TTC28: variants seen among roughly 807,000 people sequenced by gnomAD.
TTC28 encodes the protein tetratricopeptide repeat domain 28, also known as tetratricopeptide repeat protein 28.
TTC28 carries 61 observed loss-of-function variants against 198.0 expected under a neutral mutation model. The ratio of observed to expected loss-of-function variants is 0.31; its 90% CI spans 0.25 to 0.38. The LOEUF (loss-of-function observed/expected upper bound fraction) is 0.38, where lower values mean the gene tolerates loss of function less well. TTC28 is among the 10% of genes least tolerant of loss of function. The pLI is 1.00. For missense variants in TTC28, 2,678 were observed against 3,164.0 expected, an observed-to-expected ratio of 0.85 and a Z score of 3.69; for synonymous variants, 1,171 against 1,297.8, an observed-to-expected ratio of 0.90 and a Z score of 2.10.
intron 5 of TTC28, among the ~76,000 whole-genome samples, chr22:28,177,266 T>C (rs1202151774): frequency 6.6e-6 from 1 of 152,186 alleles, no homozygotes; most frequent in Non-Finnish European, 1.5e-5. Context: ...TTCAACATCA[T>C]ATGTCATTAG....
chr22:28,011,768 G>T (rs1938175470), intron 14 of TTC28, among the ~76,000 whole-genome samples: 1 of 152,060 alleles, frequency 6.6e-6, no homozygotes, highest in Admixed American at 6.6e-5. Context: ...GGCAAGGAAG[G>T]TTTCAAAGAG....
At chr22:28,315,842 A>C (rs78847835) in intron 2 of TTC28, among the ~76,000 whole-genome samples, 2,407 of 152,284 alleles carry the variant, frequency 0.016, 84 homozygotes, top group African/African-American at 0.056. Context: ...GTCTCATGAC[A>C]AAGAGAATGA....
chr22:28,669,906 G>A (rs1466776831), intron 1 of TTC28, among the ~76,000 whole-genome samples: 1 of 151,912 alleles, frequency 6.6e-6, no homozygotes, highest in African/African-American at 2.4e-5. Context: ...AAAATATAAA[G>A]GTTTATTACT....
At position 28,679,829 on chromosome 22, in the gene TTC28, G is replaced by A; in HGVS notation, c.-106C>T. 6.9e-6 allele frequency: 3 copies of A among 433,708 alleles called. No individual in the cohort carries two copies. The highest frequency in any genetic ancestry group is 9.6e-6 in the Non-Finnish European group (3 of 311,374). 26.9% of individuals were successfully genotyped at this position (433,708 alleles called of 1,614,324 possible). On this transcript the variant is annotated 5_prime_UTR_variant, in exon 1 of 23. Coordinates refer to ENST00000397906, the MANE Select transcript of TTC28 (RefSeq NM_001145418.2). ...TCCCGCCGTGCTGCGCGCCGCCGCG[G>A]CGCCCCTCACTGCCCCCAAACCGCG...
At chr22:28,147,954 A>G (rs1056959577) in intron 6 of TTC28, among the ~76,000 whole-genome samples, 1 of 152,236 alleles carries the variant, frequency 6.6e-6, no homozygotes, top group African/African-American at 2.4e-5. Flanking sequence ...CAGAGAATAG[A>G]CTATTAAGTT....
chr22:28,018,301 G>A (rs866615080), intron 13 of TTC28, among the ~76,000 whole-genome samples: 9 of 101,040 alleles, frequency 8.9e-5, no homozygotes, highest in South Asian at 1.0e-3. Context: ...GCGTGTGTGC[G>A]CGCGCGGGGG....
At chr22:28,477,297 T>C (rs1472268797) in intron 2 of TTC28, among the ~76,000 whole-genome samples, 1 of 152,184 alleles carries the variant, frequency 6.6e-6, no homozygotes, top group Non-Finnish European at 1.5e-5. Context: ...TCAGACCATG[T>C]CATTCCTGAG....
At chr22:28,303,300 T>C (rs919436347) in intron 3 of TTC28, among the ~76,000 whole-genome samples, 1 of 152,140 alleles carries the variant, frequency 6.6e-6, no homozygotes, top group Non-Finnish European at 1.5e-5. Context: ...TGAAAGATTA[T>C]CTTAAAAAAG....
At chr22:28,154,321 A>ATT (rs10537660) in intron 6 of TTC28, among the ~76,000 whole-genome samples, 70 of 137,392 alleles carry the variant, frequency 5.1e-4, no homozygotes, top group African/African-American at 1.8e-3. Flanking sequence ...AAAGATGGCC[A>ATT]TTTTTTTTTT....
At chr22:28,026,238 C>T (rs572493866) in intron 13 of TTC28, among the ~76,000 whole-genome samples, 23 of 152,320 alleles carry the variant, frequency 1.5e-4, no homozygotes, top group Non-Finnish European at 2.9e-4. Context: ...CACCCCTCAA[C>T]GTGGCAGCAG....
intron 2 of TTC28, among the ~76,000 whole-genome samples, chr22:28,403,782 G>A (rs1023478969): frequency 6.6e-6 from 1 of 152,152 alleles, no homozygotes; most frequent in Non-Finnish European, 1.5e-5. Flanking sequence ...GGTTTTACTC[G>A]GTTTCTTGCC....
chr22:28,596,777 T>C (rs1053592440), intron 2 of TTC28, among the ~76,000 whole-genome samples: 1 of 152,140 alleles, frequency 6.6e-6, no homozygotes, highest in African/African-American at 2.4e-5. Context: ...GCCTAAGATA[T>C]CTCCAAATAG....
intron 12 of TTC28, among the ~76,000 whole-genome samples, chr22:28,061,460 T>C (rs1286016803): frequency 6.6e-6 from 1 of 152,230 alleles, no homozygotes; most frequent in Non-Finnish European, 1.5e-5. Context: ...CCCAGCACCA[T>C]TTATTAAATA....
At chr22:28,080,854 A>T (rs1941324114) in intron 12 of TTC28, among the ~76,000 whole-genome samples, 1 of 151,964 alleles carries the variant, frequency 6.6e-6, no homozygotes, top group Admixed American at 6.6e-5. Flanking sequence ...TTTTGAGTCA[A>T]TTTTTGCATG....
chr22:28,659,623 G>A (rs1285330803), intron 1 of TTC28, among the ~76,000 whole-genome samples: 1 of 152,062 alleles, frequency 6.6e-6, no homozygotes, highest in East Asian at 1.9e-4. Context: ...TATGCCTGGT[G>A]TGGTGGCTCA....
chr22:28,251,874 T>C (rs1930537333), intron 5 of TTC28, among the ~76,000 whole-genome samples: 1 of 152,160 alleles, frequency 6.6e-6, no homozygotes, highest in African/African-American at 2.4e-5. Context: ...AAACAAAATA[T>C]ACAGGACTAC....
intron 6 of TTC28, among the ~76,000 whole-genome samples, chr22:28,147,716 A>G (rs1204246953): frequency 6.6e-6 from 1 of 152,252 alleles, no homozygotes; most frequent in African/African-American, 2.4e-5. Flanking sequence ...GAATTATTAA[A>G]TTAAACAATG....
At chr22:28,647,645 C>T (rs1482352531) in intron 1 of TTC28, among the ~76,000 whole-genome samples, 1 of 151,704 alleles carries the variant, frequency 6.6e-6, no homozygotes, top group Non-Finnish European at 1.5e-5. Flanking sequence ...CGAGACCATC[C>T]TGGCCAACAC....
chr22:28,495,153 G>T (rs1467322775), intron 2 of TTC28, among the ~76,000 whole-genome samples: 4 of 152,018 alleles, frequency 2.6e-5, no homozygotes, highest in Admixed American at 2.0e-4. Context: ...CTGTGAAAAT[G>T]AAATCATTAA....
Sources: gnomAD v4.1 joint callset for allele counts (sites outside exome capture counted in the v4.1 genomes callset) on GRCh38, gnomAD v4.1.1 for gene constraint, MANE v1.5 for transcripts, NCBI Gene and HGNC (gene_info 2026-07-23, HGNC 2026-07-21) for gene names.